Variants in HNRNPH3 observed in about 807,000 individuals in gnomAD.
The protein encoded by HNRNPH3 is heterogeneous nuclear ribonucleoprotein H3.
HNRNPH3 carries 7 observed loss-of-function variants against 47.0 expected under a neutral mutation model. That is an observed-to-expected ratio of 0.15 (90% CI 0.08 to 0.28). The LOEUF is 0.28. Ranked by LOEUF, HNRNPH3 falls within the 10% of genes least tolerant of loss-of-function variation. The pLI is 1.00. For synonymous variants in HNRNPH3, 120 were observed against 143.2 expected (o/e 0.84, Z 1.16); for missense variants, 279 against 449.6 (o/e 0.62, Z 3.43).
chr10:68,340,414 T>C (rs1054467867), intron 6 of HNRNPH3, among the ~76,000 whole-genome samples: 39 of 152,056 alleles, frequency 2.6e-4, no homozygotes, highest in African/African-American at 8.7e-4. Flanking sequence ...AACTGAGGAG[T>C]TGGAAATAAC....
Position 68,337,557 on chromosome 10 carries a change from T to A in HNRNPH3, c.112+224T>A. ...GCAGTAACATATTTGAGAATTGTGA[T>A]GAAATGAACCGTGAATTAGTATATG... is the stretch of plus-strand genomic sequence containing the variant. On this transcript the variant is annotated intron_variant, in intron 2 of 9. Transcript: ENST00000265866. This position sits in a 1 kb window ranked among gnomAD's most constrained non-coding sequence, Gnocchi z 4.5. 2 of 553,736 alleles carry A rather than the reference T, an allele frequency of 3.6e-6. No homozygotes were observed. Among genetic ancestry groups the A allele is most frequent in the Admixed American group, 3.4e-5 (1 of 29,226 alleles). 34.3% of individuals were successfully genotyped at this position (553,736 alleles called of 1,614,324 possible). A position where few individuals can be genotyped will look rare whatever the true frequency, so the allele number is the denominator to read the frequency against.
chr10:68,334,184 G>A (rs997651686), intron 1 of HNRNPH3, among the ~76,000 whole-genome samples: 17 of 152,174 alleles, frequency 1.1e-4, no homozygotes, highest in African/African-American at 4.1e-4. Context: ...TTTTTGTAAA[G>A]AGCAAGCCCA....
rs754506337 is a variant in HNRNPH3 at position 68,341,284 on chromosome 10, C to T, written c.750C>T (p.Ala250=). 1.6e-5 allele frequency: 25 copies of T among 1,602,816 alleles called. No individual in the cohort carries two copies. Among genetic ancestry groups the T allele is most frequent in the Non-Finnish European group, 2.1e-5 (25 of 1,177,488 alleles). Residue 250 remains alanine (A), a synonymous_variant, in exon 7 of 10, where the codon GCC becomes GCT. Transcript: ENST00000265866. ...EFVTHEDAVA[A]MSKDKNNMQH... ...TGACACATGAAGATGCAGTAGCTGC[C>T]ATGTCTAAAGATAAAAATAACATGC... is the stretch of plus-strand genomic sequence containing the variant.
intron 6 of HNRNPH3, among the ~76,000 whole-genome samples, chr10:68,340,418 A>G (rs2045829877): frequency 1.3e-5 from 2 of 152,216 alleles, no homozygotes; most frequent in Non-Finnish European, 2.9e-5. Context: ...GAGGAGTTGG[A>G]AATAACAGGA....
At position 68,337,533 on chromosome 10, in the gene HNRNPH3, C is replaced by T. The variant is rs1404374419; in HGVS notation, c.112+200C>T. On this transcript the variant is annotated intron_variant, in intron 2 of 9. Transcript: ENST00000265866. This position sits in a 1 kb window ranked among gnomAD's most constrained non-coding sequence, Gnocchi z 4.5. ...GAATATGTAAAACCTAGTTAATGTG[C>T]AGTAACATATTTGAGAATTGTGATG... The T allele has an allele frequency of 3.6e-6, 2 of 555,346 alleles. No homozygotes were observed. The highest frequency in any genetic ancestry group is 6.4e-6 in the Non-Finnish European group (2 of 314,184). The allele number at this position is 555,346 out of a possible 1,614,324, so 34.4% of individuals were successfully genotyped here.
rs1207343557 is a variant in HNRNPH3 at position 68,342,843 on chromosome 10, T to G, written c.*789T>G. 6.6e-6 allele frequency: 1 copy of G among 152,562 alleles called. No homozygotes were observed. Among genetic ancestry groups the G allele is most frequent in the African/African-American group, 2.4e-5 (1 of 41,466 alleles). 9.5% of individuals were successfully genotyped at this position (152,562 alleles called of 1,614,324 possible). ...CAGTATTAAGTACATAGGTATTTAC[T>G]ATGGAGTATAATTCTCACAATTGTA... On this transcript the variant is annotated 3_prime_UTR_variant, in exon 10 of 10. Transcript: ENST00000265866.
chr10:68,338,480 T>C, intron 3 of HNRNPH3, 23 bp from the exon 4 acceptor site: 2 of 1,512,874 alleles, frequency 1.3e-6, no homozygotes, highest in East Asian at 4.5e-5. Context: ...CTGAAACCTG[T>C]ACCTTAAAAC....
chr10:68,334,195 T>C (rs1163713072), intron 1 of HNRNPH3, among the ~76,000 whole-genome samples: 2 of 152,202 alleles, frequency 1.3e-5, no homozygotes, highest in African/African-American at 2.4e-5. Flanking sequence ...AGCAAGCCCA[T>C]TGGGAAGGAA....
chr10:68,335,907 T>C (rs2045523147), intron 1 of HNRNPH3, among the ~76,000 whole-genome samples: 1 of 152,216 alleles, frequency 6.6e-6, no homozygotes, highest in African/African-American at 2.4e-5. Flanking sequence ...AGTTAAAAGT[T>C]TGTATTCCCA....
At chr10:68,334,316 A>T (rs1315856232) in intron 1 of HNRNPH3, among the ~76,000 whole-genome samples, 1 of 152,244 alleles carries the variant, frequency 6.6e-6, no homozygotes. Context: ...TTATTGATGT[A>T]AAATCCTTTA....
At chr10:68,335,165 T>C (rs1175908591) in intron 1 of HNRNPH3, among the ~76,000 whole-genome samples, 1 of 152,130 alleles carries the variant, frequency 6.6e-6, no homozygotes, top group African/African-American at 2.4e-5. Flanking sequence ...AAAAATCCAA[T>C]TGGCTTGCTA....
chr10:68,335,290 C>G (rs1348767436), intron 1 of HNRNPH3, among the ~76,000 whole-genome samples: 1 of 147,786 alleles, frequency 6.8e-6, no homozygotes, highest in East Asian at 2.0e-4. Context: ...CCACTAAGAT[C>G]CTCTCACAAC....
intron 1 of HNRNPH3, among the ~76,000 whole-genome samples, chr10:68,335,280 C>T (rs2045485395): frequency 6.7e-6 from 1 of 149,242 alleles, no homozygotes; most frequent in East Asian, 2.0e-4. Context: ...GCAAATCGTA[C>T]CACTAAGATC....
At chr10:68,338,067 G>C (rs564209436) in intron 3 of HNRNPH3, 71 bp downstream of exon 3, 45 of 1,159,960 alleles carry the variant, frequency 3.9e-5, no homozygotes, top group East Asian at 1.3e-4. Context: ...TTGCTTAAAT[G>C]GGGGGGTAGC....
At chr10:68,340,014 G>C (rs1161798737) in intron 6 of HNRNPH3, among the ~76,000 whole-genome samples, 1 of 151,568 alleles carries the variant, frequency 6.6e-6, no homozygotes, top group Non-Finnish European at 1.5e-5. Flanking sequence ...TTGTGCTGGT[G>C]TCTTTTGTTG....
At chr10:68,332,940 G>A (rs2045280138) in intron 1 of HNRNPH3, 1 of 152,200 alleles carries the variant, frequency 6.6e-6, no homozygotes, top group Admixed American at 6.5e-5. Flanking sequence ...CCGCCCGGTG[G>A]CGAAGGGTTT....
Position 68,339,232 on chromosome 10 carries a change from A to G in HNRNPH3, c.523+6A>G. ...CAGAATGAGAGATGGAAGAGGTAAA[A>G]TAAATATTAAAGACATTTTTATTCA... On this transcript the variant is annotated splice_donor_region_variant and intron_variant, in intron 5 of 9. Transcript: ENST00000265866. 1 of 1,585,066 alleles carries G rather than the reference A, an allele frequency of 6.3e-7. No homozygotes were observed. Among genetic ancestry groups the G allele is most frequent in the Non-Finnish European group, 8.7e-7 (1 of 1,154,920 alleles).
At chr10:68,338,456 C>G (rs2045650375) in intron 3 of HNRNPH3, 47 bp from the exon 4 acceptor site, 1 of 1,270,010 alleles carries the variant, frequency 7.9e-7, no homozygotes, top group East Asian at 2.4e-5. Context: ...CTAATTTACA[C>G]TAATACATTT....
intron 1 of HNRNPH3, among the ~76,000 whole-genome samples, chr10:68,333,527 T>C (rs1406493584): frequency 2.0e-5 from 3 of 152,180 alleles, no homozygotes; most frequent in African/African-American, 7.2e-5. Context: ...TATTTTCTTT[T>C]GGTAGCTAGG....
Sources: allele counts gnomAD v4.1 joint callset (sites outside exome capture counted in the v4.1 genomes callset), GRCh38; gene constraint gnomAD v4.1.1; non-coding constraint Gnocchi (gnomAD v3.1); transcripts MANE v1.5; gene names NCBI Gene and HGNC (gene_info 2026-07-23, HGNC 2026-07-21).